The following ART3 variants were observed in gnomAD, a reference collection of about 807,000 sequenced individuals.
ART3 encodes ecto-ADP-ribosyltransferase 3.
ART3 carries 49 observed loss-of-function variants against 48.5 expected under a neutral mutation model. The observed-to-expected ratio is 1.01, with a 90% CI of 0.80 to 1.28. The LOEUF (loss-of-function observed/expected upper bound fraction) is 1.28, where lower values mean the gene tolerates loss of function less well. Ranked by LOEUF, ART3 falls within the 50% of genes most tolerant of loss-of-function variation. The probability of loss-of-function intolerance (pLI) is 0.00; values close to 1 mark genes in which losing one functional copy is unlikely to be tolerated. For missense variants in ART3, 438 were observed against 454.3 expected, an observed-to-expected ratio of 0.96 and a Z score of 0.33; for synonymous variants, 145 against 157.2, an observed-to-expected ratio of 0.92 and a Z score of 0.58.
chr4:76,055,954 T>C (rs914110521), intron 1 of ART3, among the ~76,000 whole-genome samples: 1 of 152,206 alleles, frequency 6.6e-6, no homozygotes, highest in Non-Finnish European at 1.5e-5. Flanking sequence ...ACAGAATCTC[T>C]GATCTGAGGC....
At chr4:76,085,351 T>C (rs1417806246) in intron 3 of ART3, among the ~76,000 whole-genome samples, 1 of 152,200 alleles carries the variant, frequency 6.6e-6, no homozygotes, top group African/African-American at 2.4e-5. Context: ...TAATGAGACA[T>C]TGATGTCTGG....
At chr4:76,015,672 G>A (rs1030992656) in intron 1 of ART3, among the ~76,000 whole-genome samples, 4 of 152,182 alleles carry the variant, frequency 2.6e-5, no homozygotes, top group Admixed American at 2.6e-4. Context: ...TCACTCTGTT[G>A]CCTAGGCTTG....
chr4:76,060,484 C>G (rs962620490), intron 1 of ART3, among the ~76,000 whole-genome samples: 3 of 152,162 alleles, frequency 2.0e-5, no homozygotes, highest in South Asian at 2.1e-4. Flanking sequence ...GTATTATGCT[C>G]TCTATCTGCA....
intron 1 of ART3, among the ~76,000 whole-genome samples, chr4:76,053,195 C>G (rs1736300579): frequency 6.6e-6 from 1 of 152,170 alleles, no homozygotes; most frequent in African/African-American, 2.4e-5. Flanking sequence ...TCATGCTGAT[C>G]ACGTACAGGT....
At chr4:76,068,257 C>T (rs1269312108) in intron 1 of ART3, among the ~76,000 whole-genome samples, 1 of 152,172 alleles carries the variant, frequency 6.6e-6, no homozygotes, top group Non-Finnish European at 1.5e-5. Context: ...ACATCTACTA[C>T]AATCATGATA....
In ART3 at chr4:76,069,445, G is replaced by A. The variant is rs557548605; in HGVS notation, c.-9-6436G>A. 9.3e-4 allele frequency among the ~76,000 whole-genome samples: 135 copies of A among 144,630 alleles called. 1 individual carries two copies. The highest frequency in any genetic ancestry group is 3.3e-3 in the African/African-American group (129 of 39,016). 94.9% of individuals were successfully genotyped at this position (144,630 alleles called of 152,430 possible). ...GTCTCTATCACCCAGGCTGGAGTGCGGTGGCACTATCTCAGCTCACTGCAA... is the reference window on the plus strand; with the variant it reads ...GTCTCTATCACCCAGGCTGGAGTGCAGTGGCACTATCTCAGCTCACTGCAA... On this transcript the variant is annotated intron_variant, in intron 1 of 9. Transcript: ENST00000341029.
intron 1 of ART3, among the ~76,000 whole-genome samples, chr4:76,069,580 C>T (rs1360581251): frequency 1.3e-5 from 2 of 151,536 alleles, no homozygotes; most frequent in Non-Finnish European, 2.9e-5. Flanking sequence ...AGTAGATACA[C>T]GGTTTCACCA....
At chr4:76,066,546 G>A (rs576272260) in intron 1 of ART3, among the ~76,000 whole-genome samples, 3 of 152,224 alleles carry the variant, frequency 2.0e-5, no homozygotes, top group South Asian at 2.1e-4. Context: ...AGCAGAGAGC[G>A]TAATTAGCAG....
intron 1 of ART3, among the ~76,000 whole-genome samples, chr4:76,043,247 C>T (rs1476464367): frequency 6.6e-6 from 1 of 152,104 alleles, no homozygotes; most frequent in Non-Finnish European, 1.5e-5. Flanking sequence ...GGATCCCGCA[C>T]CAGGGCTGCA....
intron 10 of ART3, among the ~76,000 whole-genome samples, chr4:76,105,295 T>A (rs1426883854): frequency 6.6e-6 from 1 of 152,192 alleles, no homozygotes; most frequent in African/African-American, 2.4e-5. Context: ...TGTAGACAGA[T>A]AGACCTGGCT....
intron 1 of ART3, among the ~76,000 whole-genome samples, chr4:76,027,119 G>C (rs184540816): frequency 1.5e-3 from 228 of 152,210 alleles, no homozygotes; most frequent in Middle Eastern, 0.014. Context: ...TGGGCGTGGT[G>C]GTGGGCGACT....
intron 11 of ART3, among the ~76,000 whole-genome samples, chr4:76,109,200 A>G (rs1023579508): frequency 7.2e-5 from 11 of 152,172 alleles, no homozygotes; most frequent in Non-Finnish European, 1.0e-4. Flanking sequence ...AGTAGTACAA[A>G]AATATTTTTT....
At chr4:76,020,658 T>TTTAAATA (rs1188785528) in intron 1 of ART3, among the ~76,000 whole-genome samples, 1 of 152,154 alleles carries the variant, frequency 6.6e-6, no homozygotes, top group Non-Finnish European at 1.5e-5. Context: ...TAAACTAAAG[T>TTTAAATA]TCCTATGGGA....
At chr4:76,073,974 T>C (rs1373720671), upstream of ART3, among the ~76,000 whole-genome samples, 1 of 152,212 alleles carries the variant, frequency 6.6e-6, no homozygotes, top group Non-Finnish European at 1.5e-5. Context: ...TTATTATGAA[T>C]AGTGCTACTA....
rs530947416 is a variant in ART3 at position 76,103,459 on chromosome 4, C to T, written c.938-478C>T. Among the ~76,000 whole-genome samples the T allele has an allele frequency of 8.5e-5, 13 of 152,166 alleles. No homozygotes were observed. The East Asian group carries it at 2.1e-3, about 25-fold the overall frequency. ...CATTTATTGAGTACCTTTTTTCGCT[C>T]CGTGCAGTGTACCAAGCACTTTTAT... On this transcript the variant is annotated intron_variant, in intron 8 of 11. Transcript: ENST00000355810.
At chr4:76,053,610 A>G (rs1285999322) in intron 1 of ART3, among the ~76,000 whole-genome samples, 9 of 152,256 alleles carry the variant, frequency 5.9e-5, no homozygotes, top group Admixed American at 2.0e-4. Flanking sequence ...TTCCACAGGA[A>G]TTCAGAAGAA....
At position 76,102,126 on chromosome 4, in the gene ART3, G is replaced by A. The variant is rs1200039992; in HGVS notation, c.937+1107G>A. On this transcript the variant is annotated intron_variant, in intron 8 of 11. Coordinates refer to ENST00000355810, the MANE Select transcript of ART3 (RefSeq NM_001130016.3). ...ACAGAAGTTTGGCTTTAAAGACAGAGAAGAGCCAAAGAAAGTGGAAGCAAA... is the reference window on the plus strand; with the variant it reads ...ACAGAAGTTTGGCTTTAAAGACAGAAAAGAGCCAAAGAAAGTGGAAGCAAA... 3.3e-5 allele frequency among the ~76,000 whole-genome samples: 5 copies of A among 152,204 alleles called. No homozygotes were observed. In the East Asian group the frequency reaches 7.7e-4, roughly 23 times the overall value.
chr4:76,065,712 T>C (rs1719669724), intron 1 of ART3, among the ~76,000 whole-genome samples: 1 of 151,500 alleles, frequency 6.6e-6, no homozygotes, highest in Admixed American at 6.6e-5. Flanking sequence ...TCCACAAATA[T>C]AATATTACAT....
At chr4:76,085,936 G>T (rs188863333) in intron 3 of ART3, among the ~76,000 whole-genome samples, 1 of 152,078 alleles carries the variant, frequency 6.6e-6, no homozygotes, top group East Asian at 1.9e-4. Flanking sequence ...GCCAGGCGTG[G>T]TGCCACGTGC....
Sources: allele counts gnomAD v4.1 joint callset (sites outside exome capture counted in the v4.1 genomes callset), GRCh38; gene constraint gnomAD v4.1.1; transcripts MANE v1.5; gene names NCBI Gene and HGNC (gene_info 2026-07-23, HGNC 2026-07-21).